SNX11: variants seen among roughly 807,000 people sequenced by gnomAD.
SNX11 encodes sorting nexin 11, also known as sorting nexin-11.
A neutral mutation model predicts 30.7 loss-of-function variants in SNX11; 19 were observed. The observed-to-expected ratio is 0.62, with a 90% CI of 0.43 to 0.91. SNX11 has a LOEUF of 0.91. SNX11 is among the 40% of genes least tolerant of loss of function. SNX11 has a pLI of 0.00. For synonymous variants in SNX11, 112 were observed against 119.0 expected (o/e 0.94, Z 0.38); for missense variants, 302 against 326.7 (o/e 0.92, Z 0.58).
rs2063501935 is a variant in SNX11, at chr17:48,112,565, T to C, written c.43-9T>C. 3.1e-6 allele frequency: 5 copies of C among 1,602,528 alleles called. No individual in the cohort carries two copies. Among genetic ancestry groups the C allele is most frequent in the Non-Finnish European group, 4.3e-6 (5 of 1,171,138 alleles). On this transcript the variant is annotated splice_polypyrimidine_tract_variant and intron_variant, in intron 2 of 6. Coordinates refer to ENST00000359238, the MANE Select transcript of SNX11 (RefSeq NM_013323.3). ...TAGCTGAAGCTGAGGGAGCTTTTCTTACCTACAGGAGGTGATTACAGTGCG... is the reference window on the plus strand; with the variant it reads ...TAGCTGAAGCTGAGGGAGCTTTTCTCACCTACAGGAGGTGATTACAGTGCG...
chr17:48,118,656 T>C (rs760518278), intron 4 of SNX11, 48 bp from the exon 5 acceptor site: 5 of 1,318,578 alleles, frequency 3.8e-6, no homozygotes, highest in Admixed American at 1.7e-5. Context: ...GGAATGACTA[T>C]CTTAGATGTT....
intron 1 of SNX11, among the ~76,000 whole-genome samples, chr17:48,109,250 TAC>T (rs1176064844): frequency 6.8e-6 from 1 of 147,664 alleles, no homozygotes; most frequent in Non-Finnish European, 1.5e-5. Flanking sequence ...TAAGGACAGT[TAC>T]AACTGAAACT....
rs79481924 is a variant in SNX11 at position 48,122,399 on chromosome 17, G to A, written c.*891G>A. 2.2e-3 allele frequency: 337 copies of A among 153,542 alleles called. 2 individuals are homozygous for A. The highest frequency in any genetic ancestry group is 7.5e-3 in the African/African-American group (312 of 41,574). The allele number at this position is 153,542 out of a possible 1,614,324, so 9.5% of individuals were successfully genotyped here. Reference sequence around the variant, plus strand: ...TCTGCTGTGTTGCGCAGTGCAGTGGGGTGCAAGGGCTTTGTTTCTGCCTGC... The same window carrying A: ...TCTGCTGTGTTGCGCAGTGCAGTGGAGTGCAAGGGCTTTGTTTCTGCCTGC... On this transcript the variant is annotated 3_prime_UTR_variant, in exon 7 of 7. Coordinates refer to ENST00000359238, the MANE Select transcript of SNX11 (RefSeq NM_013323.3).
chr17:48,116,311 G>A lies in SNX11; in HGVS notation c.231-2393G>A, dbSNP rs1346217185. Among the ~76,000 whole-genome samples the A allele has an allele frequency of 7.9e-5, 12 of 152,216 alleles. No individual in the cohort carries two copies. The East Asian group carries it at 1.4e-3, about 17-fold the overall frequency. On this transcript the variant is annotated intron_variant, in intron 4 of 6. Transcript: ENST00000359238. ...GAGCCTCAGCAGCCTCAAACGCCTG[G>A]GGTCAAGGGATTCTCCCACTTCAGC...
chr17:48,107,616 C>T (rs1215655973), upstream of SNX11: 1 of 152,258 alleles, frequency 6.6e-6, no homozygotes, highest in Non-Finnish European at 1.5e-5. Flanking sequence ...GGGGGGATCC[C>T]GACTCCAGTC....
intron 1 of SNX11, 161 bp downstream of exon 1, chr17:48,107,999 C>T (rs1349711008): frequency 6.6e-6 from 1 of 152,170 alleles, no homozygotes; most frequent in East Asian, 1.9e-4. Context: ...TGCTCGGGAT[C>T]CAAGAAAGGA....
chr17:48,120,968 G>A (rs909429094), intron 6 of SNX11, among the ~76,000 whole-genome samples: 1 of 149,982 alleles, frequency 6.7e-6, no homozygotes, highest in Non-Finnish European at 1.5e-5. Context: ...TTCCCTTTCT[G>A]TTCATTTTTG....
chr17:48,121,777 A>G lies in SNX11; in HGVS notation c.*269A>G, dbSNP rs1002119283. ...CCCTATATTACTCTCCTGGGATCTG[A>G]GTTTCTGCAGGTCATTTGTATGTAG... On this transcript the variant is annotated 3_prime_UTR_variant, in exon 7 of 7. Transcript: ENST00000359238. 1 of 409,680 alleles carries G rather than the reference A, an allele frequency of 2.4e-6. No individual in the cohort carries two copies. Among genetic ancestry groups the G allele is most frequent in the Non-Finnish European group, 4.4e-6 (1 of 226,136 alleles). The allele number at this position is 409,680 out of a possible 1,614,324, so 25.4% of individuals were successfully genotyped here.
chr17:48,113,026 C>A (rs2063506909), intron 3 of SNX11, among the ~76,000 whole-genome samples: 1 of 152,142 alleles, frequency 6.6e-6, no homozygotes, highest in Non-Finnish European at 1.5e-5. Flanking sequence ...GCGTGAGCCA[C>A]CGTGCAGGTC....
chr17:48,111,195 C>T (rs1041171663), intron 1 of SNX11: 8 of 891,816 alleles, frequency 9.0e-6, no homozygotes, highest in Admixed American at 6.2e-5. Context: ...AACTGGGCAA[C>T]CCACTCAGGT....
At position 48,118,204 on chromosome 17, in the gene SNX11, A is replaced by G. The variant is rs928072569; in HGVS notation, c.231-500A>G. On this transcript the variant is annotated intron_variant, in intron 4 of 6. Coordinates refer to ENST00000359238, the MANE Select transcript of SNX11 (RefSeq NM_013323.3). ...TTTCTCACGGGGTTTTGGGATGACTAAATGAAATCATGTTTATAAAACATT... is the reference window on the plus strand; with the variant it reads ...TTTCTCACGGGGTTTTGGGATGACTGAATGAAATCATGTTTATAAAACATT... Among the ~76,000 whole-genome samples, 4 of 152,322 alleles carry G rather than the reference A, an allele frequency of 2.6e-5. No homozygotes were observed. In the South Asian group the frequency reaches 6.2e-4, roughly 24 times the overall value.
At chr17:48,116,735 T>G (rs1450505528) in intron 4 of SNX11, among the ~76,000 whole-genome samples, 3 of 151,334 alleles carry the variant, frequency 2.0e-5, no homozygotes, top group Non-Finnish European at 4.4e-5. Context: ...GGCTGGCTAA[T>G]TTTTGTATTT....
chr17:48,118,893 C>T (rs1460426215), intron 5 of SNX11, 81 bp from the exon 6 acceptor site: 65 of 1,561,412 alleles, frequency 4.2e-5, no homozygotes, highest in Non-Finnish European at 5.6e-5. Context: ...CTCAGGTAGC[C>T]AGAAGTTCTT....
chr17:48,121,165 T>C lies in SNX11; in HGVS notation c.540-70T>C. 3 of 1,508,140 alleles carry C rather than the reference T, an allele frequency of 2.0e-6. No homozygotes were observed. The South Asian group carries it at 3.7e-5, about 19-fold the overall frequency. 93.4% of individuals were successfully genotyped at this position (1,508,140 alleles called of 1,614,324 possible). On this transcript the variant is annotated intron_variant, in intron 6 of 6. Coordinates refer to ENST00000359238, the MANE Select transcript of SNX11 (RefSeq NM_013323.3). The stretch of plus-strand genomic sequence containing the variant: ...CATCCCTGGCTAATTTATTTTTTTG[T>C]AGAGACGGAGTCTCCCTATGTTACC...
chr17:48,108,376 A>G (rs2063457824), intron 1 of SNX11, among the ~76,000 whole-genome samples: 1 of 152,238 alleles, frequency 6.6e-6, no homozygotes, highest in African/African-American at 2.4e-5. Context: ...GATATTTATA[A>G]TTGGAGCGAG....
At chr17:48,112,502 A>G in intron 2 of SNX11, 72 bp from the exon 3 acceptor site, 1 of 987,478 alleles carries the variant, frequency 1.0e-6, no homozygotes, top group Non-Finnish European at 1.6e-6. Context: ...TGGGTGGAAA[A>G]ATCTAGCGAC....
At chr17:48,115,736 A>G (rs1033226211) in intron 4 of SNX11, among the ~76,000 whole-genome samples, 2 of 152,148 alleles carry the variant, frequency 1.3e-5, no homozygotes, top group African/African-American at 4.8e-5. Context: ...GAATTACAAC[A>G]GTGATTTTGC....
chr17:48,118,904 A>C lies in SNX11; in HGVS notation c.327-70A>C, dbSNP rs1347910925. 3 of 1,571,390 alleles carry C rather than the reference A, an allele frequency of 1.9e-6. No homozygotes were observed. The African/African-American group carries it at 4.0e-5, about 21-fold the overall frequency. ...CCTGCTCAGGTAGCCAGAAGTTCTT[A>C]AGAGGATGGGGAATGGAGAGCAGTT... On this transcript the variant is annotated intron_variant, in intron 5 of 6. Coordinates refer to ENST00000359238, the MANE Select transcript of SNX11 (RefSeq NM_013323.3).
intron 6 of SNX11, among the ~76,000 whole-genome samples, chr17:48,119,946 C>G (rs1005355454): frequency 6.6e-6 from 1 of 152,148 alleles, no homozygotes; most frequent in African/African-American, 2.4e-5. Context: ...TCCTGGCAAC[C>G]ACTAGTCTAC....
Sources: gnomAD v4.1 joint callset for allele counts (sites outside exome capture counted in the v4.1 genomes callset) on GRCh38, gnomAD v4.1.1 for gene constraint, MANE v1.5 for transcripts, NCBI Gene and HGNC (gene_info 2026-07-23, HGNC 2026-07-21) for gene names.